DSCAML1: variants seen among roughly 807,000 people sequenced by gnomAD.
DSCAML1 encodes the protein DS cell adhesion molecule like 1.
Under a neutral mutation model 200.5 loss-of-function variants are expected in DSCAML1, and 38 were observed. That is an observed-to-expected ratio of 0.19 (90% CI 0.15 to 0.25). DSCAML1 has a LOEUF of 0.25. DSCAML1 is among the 10% of genes least tolerant of loss of function. The probability of loss-of-function intolerance (pLI) is 1.00; values close to 1 mark genes in which losing one functional copy is unlikely to be tolerated. For missense variants in DSCAML1, 2,223 were observed against 2,858.8 expected (o/e 0.78, Z 5.07); for synonymous variants, 1,215 against 1,165.0 (o/e 1.04, Z -0.87).
intron 3 of DSCAML1, among the ~76,000 whole-genome samples, chr11:117,587,692 G>A (rs1363987847): frequency 6.6e-6 from 1 of 152,186 alleles, no homozygotes; most frequent in Admixed American, 6.5e-5. Context: ...CTCTGCGAGT[G>A]GAAAAGGAAA....
chr11:117,558,279 G>C (rs1485734688), intron 3 of DSCAML1, among the ~76,000 whole-genome samples: 1 of 152,184 alleles, frequency 6.6e-6, no homozygotes, highest in Admixed American at 6.5e-5. Context: ...GTGAGGTGGA[G>C]CGGGGACCCT....
intron 3 of DSCAML1, among the ~76,000 whole-genome samples, chr11:117,774,890 C>T (rs779690360): frequency 7.2e-5 from 11 of 152,088 alleles, no homozygotes; most frequent in South Asian, 4.1e-4. Context: ...AACACATTTA[C>T]GGACTTTTTG....
intron 14 of DSCAML1, among the ~76,000 whole-genome samples, chr11:117,477,853 G>A (rs1375196187): frequency 3.3e-5 from 5 of 152,218 alleles, no homozygotes; most frequent in African/African-American, 4.8e-5. Flanking sequence ...GGTGGGCTGT[G>A]CTGGAGCCAT....
intron 1 of DSCAML1, among the ~76,000 whole-genome samples, 174 bp downstream of exon 1, chr11:117,796,860 T>A (rs554206142): frequency 1.3e-5 from 2 of 151,988 alleles, no homozygotes; most frequent in Admixed American, 6.5e-5. Flanking sequence ...GGGGGCTGAC[T>A]CTCACTCGGC....
At chr11:117,692,969 T>C (rs951533598) in intron 3 of DSCAML1, among the ~76,000 whole-genome samples, 2 of 152,186 alleles carry the variant, frequency 1.3e-5, no homozygotes, top group African/African-American at 4.8e-5. Context: ...CTCGCCATCT[T>C]GAGTGCCCAC....
intron 3 of DSCAML1, among the ~76,000 whole-genome samples, chr11:117,647,797 GAGA>G (rs2052546694): frequency 6.6e-6 from 1 of 152,198 alleles, no homozygotes; most frequent in South Asian, 2.1e-4. Flanking sequence ...GTTCAGGAAA[GAGA>G]AGGATGGGGA....
intron 3 of DSCAML1, among the ~76,000 whole-genome samples, chr11:117,594,985 G>C (rs917325668): frequency 4.0e-5 from 6 of 151,538 alleles, no homozygotes; most frequent in Admixed American, 2.6e-4. Flanking sequence ...CTAACTAACT[G>C]TTCTGTTTTG....
intron 3 of DSCAML1, among the ~76,000 whole-genome samples, chr11:117,742,861 A>G (rs1419095276): frequency 6.6e-6 from 1 of 152,184 alleles, no homozygotes; most frequent in African/African-American, 2.4e-5. Context: ...TCCAGCCTTG[A>G]CATACCCAGA....
intron 8 of DSCAML1, among the ~76,000 whole-genome samples, chr11:117,509,959 G>C (rs922314822): frequency 2.0e-5 from 3 of 152,224 alleles, no homozygotes; most frequent in Admixed American, 6.5e-5. Flanking sequence ...ACAACCCAGG[G>C]CTTTCTCCCC....
At chr11:117,620,061 G>A (rs898977286) in intron 3 of DSCAML1, among the ~76,000 whole-genome samples, 1 of 152,134 alleles carries the variant, frequency 6.6e-6, no homozygotes, top group Non-Finnish European at 1.5e-5. Context: ...TACGGTGCTT[G>A]GTACACTGGA....
At chr11:117,804,454 TA>T (rs1446588478) in intron 1 of DSCAML1, among the ~76,000 whole-genome samples, 3 of 152,196 alleles carry the variant, frequency 2.0e-5, no homozygotes, top group African/African-American at 7.2e-5. Flanking sequence ...AAATCTGCCT[TA>T]GCTTTCTGGA....
chr11:117,555,159 C>T (rs2050538435), intron 3 of DSCAML1, among the ~76,000 whole-genome samples: 1 of 152,198 alleles, frequency 6.6e-6, no homozygotes, highest in South Asian at 2.1e-4. Flanking sequence ...TGTGTTACCC[C>T]ATGTCTGGGC....
At chr11:117,789,262 A>G (rs74943624) in intron 1 of DSCAML1, among the ~76,000 whole-genome samples, 3,562 of 152,320 alleles carry the variant, frequency 0.023, 136 homozygotes, top group African/African-American at 0.08. Context: ...GTTATGAGCA[A>G]CAGCTGACTG....
At chr11:117,510,313 C>G (rs1460192100) in intron 8 of DSCAML1, among the ~76,000 whole-genome samples, 1 of 152,190 alleles carries the variant, frequency 6.6e-6, no homozygotes, top group Non-Finnish European at 1.5e-5. Context: ...CCAAAACACC[C>G]GGTTCCAGAC....
chr11:117,761,606 C>T (rs2054803577), intron 3 of DSCAML1, among the ~76,000 whole-genome samples: 1 of 152,172 alleles, frequency 6.6e-6, no homozygotes, highest in Admixed American at 6.5e-5. Context: ...CACGGTGGCT[C>T]ATGCCAATAA....
At chr11:117,782,520 C>T (rs1455393782) in intron 1 of DSCAML1, among the ~76,000 whole-genome samples, 1 of 152,168 alleles carries the variant, frequency 6.6e-6, no homozygotes, top group Non-Finnish European at 1.5e-5. Flanking sequence ...AAGTTGGTGG[C>T]CAAGCAAGTC....
At chr11:117,626,211 CCT>C (rs1565834829) in intron 3 of DSCAML1, among the ~76,000 whole-genome samples, 950 of 28,996 alleles carry the variant, frequency 0.033, 9 homozygotes, top group African/African-American at 0.093. Context: ...CCCCCCCCCT[CCT>C]TCTTCTGGCA....
chr11:117,531,215 G>A (rs925250609), intron 4 of DSCAML1, among the ~76,000 whole-genome samples: 1 of 152,108 alleles, frequency 6.6e-6, no homozygotes, highest in African/African-American at 2.4e-5. Context: ...CCCTTCTATG[G>A]GGTCCTGTAG....
In DSCAML1 at chr11:117,569,782, C is replaced by A. The variant is rs529840460; in HGVS notation, c.512-37260G>T. ...ATGCAGTTGAAATGATGAACTCACT[C>A]CAGGCCTGGCTCCCAAGGTCTCCTG... is the stretch of plus-strand genomic sequence containing the variant. On this transcript the variant is annotated intron_variant, in intron 3 of 32. Coordinates refer to ENST00000651296, the MANE Select transcript of DSCAML1 (RefSeq NM_020693.4). 3.9e-5 allele frequency among the ~76,000 whole-genome samples: 6 copies of A among 152,302 alleles called. 1 individual carries two copies. The highest frequency in any genetic ancestry group is 1.2e-4 in the African/African-American group (5 of 41,562).
Sources: allele counts gnomAD v4.1 joint callset (sites outside exome capture counted in the v4.1 genomes callset), GRCh38; gene constraint gnomAD v4.1.1; transcripts MANE v1.5; gene names NCBI Gene and HGNC (gene_info 2026-07-23, HGNC 2026-07-21).